Variants in DAB1 observed in about 807,000 individuals in gnomAD.
DAB1 encodes disabled homolog 1.
A neutral mutation model predicts 64.6 loss-of-function variants in DAB1; 15 were observed. That is an observed-to-expected ratio of 0.23 (90% CI 0.16 to 0.36). The LOEUF (loss-of-function observed/expected upper bound fraction) is 0.36, where lower values mean the gene tolerates loss of function less well. Among genes scored for constraint, DAB1 ranks in the 10% least tolerant of loss-of-function variants. The pLI, the probability that DAB1 is intolerant of heterozygous loss-of-function variation, is 1.00. For synonymous variants in DAB1, 235 were observed against 251.9 expected, an observed-to-expected ratio of 0.93 and a Z score of 0.64; for missense variants, 596 against 706.7, an observed-to-expected ratio of 0.84 and a Z score of 1.78.
intron 3 of DAB1, among the ~76,000 whole-genome samples, chr1:58,366,580 G>A (rs182377073): frequency 6.6e-6 from 1 of 152,318 alleles, no homozygotes; most frequent in East Asian, 1.9e-4. Context: ...AATAGGAGTG[G>A]ATGTATTTCC....
At chr1:58,488,860 T>A (rs1223170445) in intron 3 of DAB1, among the ~76,000 whole-genome samples, 2 of 152,250 alleles carry the variant, frequency 1.3e-5, no homozygotes, top group African/African-American at 4.8e-5. Context: ...CTCCCACTTA[T>A]CAGTGAGAAC....
chr1:57,426,630 T>C (rs1290259081), upstream of DAB1, among the ~76,000 whole-genome samples: 1 of 152,152 alleles, frequency 6.6e-6, no homozygotes, highest in South Asian at 2.1e-4. Context: ...ATATTGTTTA[T>C]TATGTTTCAG....
intron 5 of DAB1, among the ~76,000 whole-genome samples, chr1:58,119,129 T>A (rs889298468): frequency 1.3e-5 from 2 of 152,176 alleles, no homozygotes; most frequent in African/African-American, 4.8e-5. Context: ...ACTACTATTT[T>A]AATAGTAGCA....
intron 2 of DAB1, among the ~76,000 whole-genome samples, chr1:57,283,770 T>C (rs1301838174): frequency 1.3e-5 from 2 of 152,174 alleles, no homozygotes; most frequent in African/African-American, 4.8e-5. Context: ...TTGTTTGGGA[T>C]CTACTGAGTG....
chr1:57,224,377 A>G (rs2100399044), intron 2 of DAB1, among the ~76,000 whole-genome samples: 1 of 152,324 alleles, frequency 6.6e-6, no homozygotes, highest in South Asian at 2.1e-4. Flanking sequence ...GTAGCCCACC[A>G]GATACAACGC....
chr1:57,393,676 A>G (rs563270), intron 1 of DAB1, among the ~76,000 whole-genome samples: 62,458 of 151,978 alleles, frequency 0.41, 13,412 homozygotes, highest in African/African-American at 0.47. Context: ...TGAAAATCAA[A>G]AGAAATAGAT....
intron 9 of DAB1, among the ~76,000 whole-genome samples, chr1:57,049,852 G>A (rs956116826): frequency 6.6e-6 from 1 of 152,140 alleles, no homozygotes. Context: ...GGCAGTAGTT[G>A]GAATTTGAAT....
chr1:58,269,150 G>C (rs1217065190), intron 4 of DAB1, among the ~76,000 whole-genome samples: 1 of 145,732 alleles, frequency 6.9e-6, no homozygotes, highest in African/African-American at 2.5e-5. Flanking sequence ...ATCTCCCAAT[G>C]CTATCCCTCC....
intron 5 of DAB1, among the ~76,000 whole-genome samples, chr1:58,093,129 A>G (rs958720661): frequency 6.6e-6 from 1 of 152,098 alleles, no homozygotes; most frequent in African/African-American, 2.4e-5. Context: ...CGACTGATGA[A>G]CTATACTCGT....
intron 12 of DAB1, among the ~76,000 whole-genome samples, chr1:57,012,254 A>G (rs1646288265): frequency 6.6e-6 from 1 of 152,230 alleles, no homozygotes; most frequent in Non-Finnish European, 1.5e-5. Flanking sequence ...TGATGAATCT[A>G]TATATAGAAA....
intron 3 of DAB1, among the ~76,000 whole-genome samples, chr1:58,454,485 G>A (rs929101359): frequency 7.2e-5 from 11 of 152,124 alleles, no homozygotes; most frequent in African/African-American, 1.9e-4. Flanking sequence ...AGCAAGAGAC[G>A]GCCACAGCAA....
chr1:57,691,636 GAAACTCTGGACACATCTAAAGGAAC>G (rs1646765596), intron 6 of DAB1, among the ~76,000 whole-genome samples: 1 of 152,222 alleles, frequency 6.6e-6, no homozygotes, highest in African/African-American at 2.4e-5. Context: ...CCAGAAGGAA[GAAACTCTGGACACATCTAAAGGAAC>G]AAACTCTGGA....
At chr1:57,380,936 G>A (rs1681319066) in intron 1 of DAB1, among the ~76,000 whole-genome samples, 1 of 152,156 alleles carries the variant, frequency 6.6e-6, no homozygotes, top group African/African-American at 2.4e-5. Context: ...AAGAGTTGAT[G>A]AGTATGAGTC....
intron 1 of DAB1, among the ~76,000 whole-genome samples, chr1:57,846,951 G>T (rs1197494961): frequency 6.6e-6 from 1 of 152,328 alleles, no homozygotes; most frequent in South Asian, 2.1e-4. Context: ...GGAAATGGTT[G>T]GTAGTGTGAC....
chr1:57,636,386 A>T (rs1646057952), intron 7 of DAB1, among the ~76,000 whole-genome samples: 1 of 152,188 alleles, frequency 6.6e-6, no homozygotes, highest in Non-Finnish European at 1.5e-5. Flanking sequence ...GCAGACTGGT[A>T]CACCATGCTA....
intron 7 of DAB1, among the ~76,000 whole-genome samples, chr1:57,450,682 G>A (rs1203824137): frequency 6.6e-6 from 1 of 152,214 alleles, no homozygotes. Context: ...AACATGTGCA[G>A]TCTGGGGTGC....
upstream of DAB1, chr1:57,884,262 G>A (rs1644190056): frequency 2.6e-5 from 4 of 152,150 alleles, no homozygotes; most frequent in South Asian, 2.1e-4. Context: ...AATGGTTCAG[G>A]GTGAAGTGTA....
rs566631346 is a variant in DAB1, at chr1:57,733,047, T to C, written n.552-83382A>G. On this transcript the variant is annotated intron_variant and non_coding_transcript_variant, in intron 6 of 20. Coordinates refer to the DAB1 transcript ENST00000485760. ...GCCTACTCTTTCCAACAAGTTCTAA[T>C]CTTGTCAGGAAAACAAGAGCTATAT... 4.9e-4 allele frequency among the ~76,000 whole-genome samples: 75 copies of C among 152,274 alleles called. No individual in the cohort carries two copies. The Middle Eastern group carries it at 0.01, about 21-fold the overall frequency.
intron 5 of DAB1, among the ~76,000 whole-genome samples, chr1:57,894,931 T>C (rs566727680): frequency 6.6e-6 from 1 of 152,224 alleles, no homozygotes; most frequent in African/African-American, 2.4e-5. Context: ...CATACATAAA[T>C]TGGTCTGAGC....
Sources: gnomAD v4.1 joint callset for allele counts (sites outside exome capture counted in the v4.1 genomes callset) on GRCh38, gnomAD v4.1.1 for gene constraint, MANE v1.5 for transcripts, NCBI Gene and HGNC (gene_info 2026-07-23, HGNC 2026-07-21) for gene names.